Variants in ZUP1 observed in about 807,000 individuals in gnomAD.
ZUP1 encodes the protein zinc finger-containing ubiquitin peptidase 1.
ZUP1 carries 55 observed loss-of-function variants against 68.1 expected under a neutral mutation model. The observed-to-expected ratio is 0.81, with a 90% confidence interval of 0.65 to 1.01. ZUP1 has a LOEUF of 1.01. Among genes scored for constraint, ZUP1 ranks in the 50% least tolerant of loss-of-function variants. The probability of loss-of-function intolerance (pLI) is 0.00; values close to 1 mark genes in which losing one functional copy is unlikely to be tolerated. For missense variants in ZUP1, 684 were observed against 674.9 expected (o/e 1.01, Z -0.15); for synonymous variants, 223 against 221.5 (o/e 1.01, Z -0.06).
At chr6:116,649,011 C>T (rs188769616) in intron 7 of ZUP1, among the ~76,000 whole-genome samples, 1 of 150,890 alleles carries the variant, frequency 6.6e-6, no homozygotes, top group East Asian at 1.9e-4. Context: ...AAAAAAATTA[C>T]TTTAAAACTC....
chr6:116,647,404 A>G, intron 8 of ZUP1, 55 bp downstream of exon 8: 1 of 1,392,426 alleles, frequency 7.2e-7, no homozygotes, highest in South Asian at 1.8e-5. Flanking sequence ...TCTGAAAGCA[A>G]CAATTTGTTA....
chr6:116,642,652 A>C (rs1290362157), intron 9 of ZUP1, among the ~76,000 whole-genome samples: 6 of 152,124 alleles, frequency 3.9e-5, no homozygotes, highest in African/African-American at 1.2e-4. Flanking sequence ...CATGCTAAAA[A>C]CTCTCAATAA....
chr6:116,654,531 GTTAC>G (rs1180625467), intron 5 of ZUP1, among the ~76,000 whole-genome samples: 1 of 151,936 alleles, frequency 6.6e-6, no homozygotes, highest in African/African-American at 2.4e-5. Flanking sequence ...AGATGGGGGA[GTTAC>G]TTAAGACACA....
Position 116,635,787 on chromosome 6 carries a change from C to A in ZUP1, c.*45G>T. On this transcript the variant is annotated 3_prime_UTR_variant, in exon 10 of 10. Coordinates refer to ENST00000368576, the MANE Select transcript of ZUP1 (RefSeq NM_145062.3). ...GAGTTCAATATCTACATTTAGAAAACAAAGTATTGTTCTCAATCACTGAAA... is the reference window on the plus strand; with the variant it reads ...GAGTTCAATATCTACATTTAGAAAAAAAAGTATTGTTCTCAATCACTGAAA... 1 of 1,517,358 alleles carries A rather than the reference C, an allele frequency of 6.6e-7. No individual in the cohort carries two copies. The highest frequency in any genetic ancestry group is 8.9e-7 in the Non-Finnish European group (1 of 1,117,802). 94.0% of individuals were successfully genotyped at this position (1,517,358 alleles called of 1,614,324 possible).
chr6:116,637,040 TATTAA>T (rs899537192), intron 9 of ZUP1, among the ~76,000 whole-genome samples: 3 of 152,192 alleles, frequency 2.0e-5, no homozygotes, highest in African/African-American at 7.2e-5. Flanking sequence ...AAAAAAGTTA[TATTAA>T]ATTAGTAAGA....
intron 5 of ZUP1, among the ~76,000 whole-genome samples, chr6:116,655,893 T>C (rs1776647838): frequency 6.6e-6 from 1 of 152,210 alleles, no homozygotes; most frequent in South Asian, 2.1e-4. Flanking sequence ...ATTTGAAATG[T>C]GGCTGCCCAA....
chr6:116,661,697 A>T (rs933549525), intron 2 of ZUP1, among the ~76,000 whole-genome samples: 7 of 152,362 alleles, frequency 4.6e-5, no homozygotes, highest in African/African-American at 1.7e-4. Flanking sequence ...GCATATACAC[A>T]GAGTGAAAGC....
chr6:116,655,825 T>TA, intron 5 of ZUP1, among the ~76,000 whole-genome samples: 1 of 152,156 alleles, frequency 6.6e-6, no homozygotes, highest in Admixed American at 6.5e-5. Flanking sequence ...ATAGAGTTGT[T>TA]AGTGTCTAAA....
At chr6:116,650,144 C>T (rs1776435764) in intron 7 of ZUP1, among the ~76,000 whole-genome samples, 1 of 152,006 alleles carries the variant, frequency 6.6e-6, no homozygotes, top group Non-Finnish European at 1.5e-5. Context: ...AGAAGCAGGC[C>T]GGGCGCCGTG....
At chr6:116,642,878 G>A (rs920924102) in intron 9 of ZUP1, among the ~76,000 whole-genome samples, 3 of 152,126 alleles carry the variant, frequency 2.0e-5, no homozygotes, top group Admixed American at 6.6e-5. Context: ...ATTCAATTAG[G>A]AAAAGAGGAA....
At chr6:116,645,976 TAC>T (rs1056185823) in intron 8 of ZUP1, 42 bp from the exon 9 acceptor site, 14 of 1,375,390 alleles carry the variant, frequency 1.0e-5, no homozygotes, top group African/African-American at 1.4e-5. Flanking sequence ...CACATCTATT[TAC>T]AGTTATACAA....
intron 9 of ZUP1, among the ~76,000 whole-genome samples, chr6:116,641,553 C>A (rs1207845592): frequency 6.6e-6 from 1 of 152,112 alleles, no homozygotes; most frequent in Admixed American, 6.5e-5. Flanking sequence ...AACCACTCAA[C>A]TACATGGAAA....
intron 7 of ZUP1, 25 bp downstream of exon 7, chr6:116,651,547 T>C: frequency 3.9e-6 from 6 of 1,527,116 alleles, no homozygotes; most frequent in Non-Finnish European, 5.3e-6. Context: ...GGAAATAACA[T>C]TTATTTAGGT....
chr6:116,657,737 C>T (rs1317722996), intron 4 of ZUP1, among the ~76,000 whole-genome samples: 1 of 152,196 alleles, frequency 6.6e-6, no homozygotes, highest in African/African-American at 2.4e-5. Context: ...ACCTATTCAA[C>T]TGTAAACCCT....
intron 9 of ZUP1, 145 bp from the exon 10 acceptor site, chr6:116,636,024 C>A: frequency 2.1e-6 from 1 of 485,214 alleles, no homozygotes; most frequent in Non-Finnish European, 3.5e-6. Context: ...CAATCTCAAA[C>A]TTCTGAAATT....
At position 116,651,661 on chromosome 6, in the gene ZUP1, C is replaced by A; in HGVS notation, c.1227G>T (p.Gly409=). ...DAWKEGFDPQ[G]ASQLNNRLQG... is the part of the protein sequence containing the mutation. The stretch of plus-strand genomic sequence containing the variant: ...GTAACCTGTTATTAAGTTGAGAGGC[C>A]CCCTGAGGATCAAAACCTTCCTTCC... The change falls in exon 7 of 10, where the codon GGG becomes GGT. Residue 409 remains glycine (G), a synonymous_variant. Coordinates refer to ENST00000368576, the MANE Select transcript of ZUP1 (RefSeq NM_145062.3). 3 of 1,613,776 alleles carry A rather than the reference C, an allele frequency of 1.9e-6. No individual in the cohort carries two copies. Among genetic ancestry groups the A allele is most frequent in the Non-Finnish European group, 2.5e-6 (3 of 1,179,820 alleles).
chr6:116,647,700 GAACT>G (rs553652551), intron 7 of ZUP1, 90 bp from the exon 8 acceptor site: 171 of 1,033,470 alleles, frequency 1.7e-4, no homozygotes, highest in Middle Eastern at 6.8e-4. Flanking sequence ...TCTTAGTTTA[GAACT>G]AACTGTTTCT....
intron 2 of ZUP1, among the ~76,000 whole-genome samples, chr6:116,665,411 AG>A (rs1324932327): frequency 6.6e-6 from 1 of 152,182 alleles, no homozygotes; most frequent in Non-Finnish European, 1.5e-5. Flanking sequence ...GATCCATGAA[AG>A]AAGAAATTGT....
intron 2 of ZUP1, 131 bp downstream of exon 2, chr6:116,666,502 GA>G: frequency 1.6e-6 from 1 of 612,616 alleles, no homozygotes; most frequent in Non-Finnish European, 2.5e-6. Context: ...AACAGCAAAT[GA>G]AAAATGTTAT....
Sources: allele counts gnomAD v4.1 joint callset (sites outside exome capture counted in the v4.1 genomes callset), GRCh38; gene constraint gnomAD v4.1.1; transcripts MANE v1.5; gene names NCBI Gene and HGNC (gene_info 2026-07-23, HGNC 2026-07-21).